Variants in UNC79 observed in about 807,000 individuals in gnomAD.
UNC79 encodes unc-79 subunit of NALCN channel complex, also known as protein unc-79 homolog.
A neutral mutation model predicts 283.1 loss-of-function variants in UNC79; 37 were observed. The observed-to-expected ratio is 0.13, with a 90% CI of 0.10 to 0.17. The LOEUF (loss-of-function observed/expected upper bound fraction) is 0.17. Ranked by LOEUF, UNC79 falls within the 10% of genes least tolerant of loss-of-function variation. The probability of loss-of-function intolerance (pLI) is 1.00; values close to 1 mark genes in which losing one functional copy is unlikely to be tolerated. For synonymous variants in UNC79, 1,107 were observed against 1,200.2 expected (o/e 0.92, Z 1.61); for missense variants, 2,272 against 3,211.1 (o/e 0.71, Z 7.07).
chr14:93,340,162 G>A (rs548837919), intron 1 of UNC79, among the ~76,000 whole-genome samples: 1 of 152,352 alleles, frequency 6.6e-6, no homozygotes, highest in South Asian at 2.1e-4. Context: ...GGACACCTAT[G>A]CTGGGTGCGG....
At chr14:93,528,779 T>A in intron 9 of UNC79, 133 bp downstream of exon 9, 3 of 836,598 alleles carry the variant, frequency 3.6e-6, no homozygotes, top group Non-Finnish European at 5.6e-6. Context: ...TTAATTATTC[T>A]GATACTTAAC....
chr14:93,432,303 T>C (rs538021577), intron 1 of UNC79, among the ~76,000 whole-genome samples: 20 of 152,344 alleles, frequency 1.3e-4, no homozygotes, highest in Non-Finnish European at 2.5e-4. Context: ...CCCAGTGCTT[T>C]TACTTCTTTA....
At chr14:93,447,087 G>C (rs550241614) in intron 1 of UNC79, among the ~76,000 whole-genome samples, 11 of 152,162 alleles carry the variant, frequency 7.2e-5, no homozygotes, top group African/African-American at 2.4e-4. Context: ...TGATTGTTAT[G>C]TTTTCCTGTT....
rs17129141 is a variant in UNC79 at position 93,637,484 on chromosome 14, T to C, written c.5800+185T>C. 5.4e-3 allele frequency: 5,621 copies of C among 1,043,150 alleles called. 176 individuals carry two copies. The African/African-American group carries it at 0.068, about 13-fold the overall frequency. The allele number at this position is 1,043,150 out of a possible 1,614,324, so 64.6% of individuals were successfully genotyped here. On this transcript the variant is annotated intron_variant, in intron 32 of 48. Transcript: ENST00000555664. The stretch of plus-strand genomic sequence containing the variant: ...CATCTTTGAACATGGCCAACAGTTC[T>C]TCCTTATAGTGACTTTCTAACCCTT...
In UNC79 at chr14:93,467,525, T is replaced by C. The variant is rs1018579747; in HGVS notation, c.23-146T>C. 1.4e-5 allele frequency: 14 copies of C among 1,007,216 alleles called. No homozygotes were observed. In the East Asian group the frequency reaches 4.7e-4, roughly 34 times the overall value. The allele number at this position is 1,007,216 out of a possible 1,614,324, so 62.4% of individuals were successfully genotyped here. ...GAATTCTATTAAAAATTTACTTATGTTTCTTAAAATACTGATTAAATTCTT... is the reference window on the plus strand; with the variant it reads ...GAATTCTATTAAAAATTTACTTATGCTTCTTAAAATACTGATTAAATTCTT... On this transcript the variant is annotated intron_variant, in intron 1 of 48. Coordinates refer to ENST00000555664, the Ensembl canonical transcript of UNC79.
upstream of UNC79, among the ~76,000 whole-genome samples, chr14:93,427,733 A>G (rs2055763375): frequency 6.6e-6 from 1 of 152,074 alleles, no homozygotes; most frequent in South Asian, 2.1e-4. Flanking sequence ...TAGGCACTCA[A>G]TAAGTAGTTG....
At chr14:93,600,594 A>G (rs915574979) in exon 25 of UNC79, 2 of 1,609,262 alleles carry the variant, frequency 1.2e-6, no homozygotes, top group Admixed American at 1.7e-5. Flanking sequence ...CTTGACTTCC[A>G]GTTTGATACT....
chr14:93,379,010 A>C (rs796111244), intron 1 of UNC79, among the ~76,000 whole-genome samples: 1 of 152,180 alleles, frequency 6.6e-6, no homozygotes, highest in Non-Finnish European at 1.5e-5. Flanking sequence ...ACTATGAGAA[A>C]GTAGCAAAGT....
At chr14:93,672,047 A>G (rs922201653) in intron 40 of UNC79, among the ~76,000 whole-genome samples, 1 of 152,176 alleles carries the variant, frequency 6.6e-6, no homozygotes, top group African/African-American at 2.4e-5. Flanking sequence ...GATCCTGGCG[A>G]GGATATGGAG....
At chr14:93,529,498 C>T (rs2060705627) in intron 10 of UNC79, among the ~76,000 whole-genome samples, 172 bp downstream of exon 10, 1 of 152,154 alleles carries the variant, frequency 6.6e-6, no homozygotes, top group East Asian at 1.9e-4. Context: ...AATGTACCCA[C>T]ACATTTAATA....
At chr14:93,481,672 C>G (rs1027898795) in intron 4 of UNC79, among the ~76,000 whole-genome samples, 2 of 152,200 alleles carry the variant, frequency 1.3e-5, no homozygotes, top group Non-Finnish European at 2.9e-5. Flanking sequence ...GCGTGACTTA[C>G]CATTTTTTGT....
intron 34 of UNC79, among the ~76,000 whole-genome samples, chr14:93,644,619 T>C (rs2069398187): frequency 6.6e-6 from 1 of 152,180 alleles, no homozygotes; most frequent in Non-Finnish European, 1.5e-5. Flanking sequence ...ATAGGAAAGA[T>C]GTCTTAAAGT....
At chr14:93,469,065 A>G (rs1385827897) in intron 2 of UNC79, among the ~76,000 whole-genome samples, 1 of 152,236 alleles carries the variant, frequency 6.6e-6, no homozygotes, top group Non-Finnish European at 1.5e-5. Flanking sequence ...AGCGAGAGAC[A>G]CTTTTCAGTA....
chr14:93,367,549 G>C (rs903028798), intron 1 of UNC79, among the ~76,000 whole-genome samples: 3 of 152,118 alleles, frequency 2.0e-5, no homozygotes, highest in African/African-American at 7.2e-5. Flanking sequence ...CAAACCATTA[G>C]AGTAAAAACA....
intron 21 of UNC79, 41 bp from the exon 22 acceptor site, chr14:93,586,719 C>G (rs766682543): frequency 1.9e-6 from 3 of 1,613,044 alleles, no homozygotes; most frequent in Middle Eastern, 1.7e-4. Context: ...GGTAGCATTA[C>G]TGTTTTGGAT....
intron 10 of UNC79, 76 bp downstream of exon 10, chr14:93,529,402 T>A (rs2060697499): frequency 2.0e-6 from 3 of 1,493,840 alleles, no homozygotes; most frequent in East Asian, 4.6e-5. Flanking sequence ...CCTTTTGTAC[T>A]ATTTTATTTT....
At chr14:93,497,096 G>C in intron 6 of UNC79, 61 bp from the exon 7 acceptor site, 3 of 1,552,964 alleles carry the variant, frequency 1.9e-6, no homozygotes, top group Non-Finnish European at 2.6e-6. Flanking sequence ...TAATGTTGAA[G>C]TCTCTACCTT....
At chr14:93,429,913 A>AGGT (rs1216070274), upstream of UNC79, among the ~76,000 whole-genome samples, 3 of 152,196 alleles carry the variant, frequency 2.0e-5, no homozygotes, top group Non-Finnish European at 4.4e-5. Context: ...AAAGAACCGG[A>AGGT]GGTGTAGGGA....
intron 14 of UNC79, among the ~76,000 whole-genome samples, chr14:93,558,728 T>C (rs1459938990): frequency 6.6e-6 from 1 of 151,366 alleles, no homozygotes; most frequent in African/African-American, 2.4e-5. Flanking sequence ...TGCCAGGGTT[T>C]TGGTTTCCCT....
Sources: gnomAD v4.1 joint callset for allele counts (sites outside exome capture counted in the v4.1 genomes callset) on GRCh38, gnomAD v4.1.1 for gene constraint, MANE v1.5 for transcripts, NCBI Gene and HGNC (gene_info 2026-07-23, HGNC 2026-07-21) for gene names.